The following KIF16B variants were observed in gnomAD, a reference collection of about 807,000 sequenced individuals.
KIF16B encodes kinesin family member 16B, also known as kinesin-like protein KIF16B.
A neutral mutation model predicts 156.3 loss-of-function variants in KIF16B; 98 were observed. The observed-to-expected ratio is 0.63, with a 90% confidence interval of 0.53 to 0.74. The LOEUF (loss-of-function observed/expected upper bound fraction) is 0.74, where lower values mean the gene tolerates loss of function less well. KIF16B is among the 30% of genes least tolerant of loss of function. The pLI is 0.00. For missense variants in KIF16B, 1,421 were observed against 1,606.5 expected, an observed-to-expected ratio of 0.88 and a Z score of 1.97; for synonymous variants, 564 against 583.7, an observed-to-expected ratio of 0.97 and a Z score of 0.49.
At chr20:16,492,070 C>T (rs186311792) in intron 12 of KIF16B, among the ~76,000 whole-genome samples, 104 of 152,298 alleles carry the variant, frequency 6.8e-4, no homozygotes, top group Non-Finnish European at 3.8e-4. Flanking sequence ...TGCCAATAAA[C>T]CAACCTCATG....
intron 12 of KIF16B, among the ~76,000 whole-genome samples, chr20:16,472,553 T>TAAAAAA (rs11318601): frequency 1.8e-4 from 20 of 113,516 alleles, no homozygotes; most frequent in South Asian, 3.1e-4. Flanking sequence ...CATCTGAAAT[T>TAAAAAA]AAAAAAAAAA....
At position 16,573,296 on chromosome 20, in the gene KIF16B, G is replaced by A. The variant is rs2071525968; in HGVS notation, c.-21C>T. The A allele has an allele frequency of 6.2e-7, 1 of 1,608,936 alleles. No individual in the cohort carries two copies. The highest frequency in any genetic ancestry group is 8.5e-7 in the Non-Finnish European group (1 of 1,178,580). Reference sequence around the variant, plus strand: ...GCCATCGCTCATCCCGAACCAGCCCGCGCGGGGTCCCACTAGCCCAGAACT... The same window carrying A: ...GCCATCGCTCATCCCGAACCAGCCCACGCGGGGTCCCACTAGCCCAGAACT... On this transcript the variant is annotated 5_prime_UTR_variant, in exon 1 of 26. Coordinates refer to ENST00000354981, the MANE Select transcript of KIF16B (RefSeq NM_024704.5).
chr20:16,429,808 G>T lies in KIF16B; in HGVS notation c.1422+55C>A, dbSNP rs951953042. On this transcript the variant is annotated intron_variant, in intron 13 of 25. Transcript: ENST00000354981. ...GAATATTATAATAAACCTAGTTAGT[G>T]TCTAATGGAGAAACTGGAAACAAAA... 2.7e-6 allele frequency: 4 copies of T among 1,481,622 alleles called. No homozygotes were observed. In the African/African-American group the frequency reaches 5.6e-5, roughly 21 times the overall value. 91.8% of individuals were successfully genotyped at this position (1,481,622 alleles called of 1,614,324 possible).
intron 24 of KIF16B, among the ~76,000 whole-genome samples, chr20:16,335,443 A>C (rs1187673908): frequency 2.0e-5 from 3 of 152,220 alleles, no homozygotes; most frequent in African/African-American, 7.2e-5. Context: ...TGCATTTTCT[A>C]TCTACCTTTC....
At position 16,492,498 on chromosome 20, in the gene KIF16B, C is replaced by A. The variant is rs148433113; in HGVS notation, c.1302+1793G>T. 5.2e-4 allele frequency among the ~76,000 whole-genome samples: 79 copies of A among 152,270 alleles called. 3 individuals carry two copies. The South Asian group carries it at 0.013, about 25-fold the overall frequency. On this transcript the variant is annotated intron_variant, in intron 12 of 25. Coordinates refer to ENST00000354981, the MANE Select transcript of KIF16B (RefSeq NM_024704.5). ...CACCTAGCATGCATCACATTTTTCC[C>A]TTCTCCTATGAAAAGTCATAAAAAA...
chr20:16,549,041 GT>G (rs1019518215), intron 1 of KIF16B, among the ~76,000 whole-genome samples: 30 of 141,854 alleles, frequency 2.1e-4, no homozygotes, highest in African/African-American at 6.8e-4. Flanking sequence ...TTTTTCGTTA[GT>G]TTTTTTTTTA....
chr20:16,330,178 A>G (rs41400544), intron 24 of KIF16B, among the ~76,000 whole-genome samples: 1 of 152,096 alleles, frequency 6.6e-6, no homozygotes, highest in Admixed American at 6.5e-5. Flanking sequence ...TTATTCACAG[A>G]CTTATCTTAT....
chr20:16,325,131 C>T (rs146572874), intron 24 of KIF16B, among the ~76,000 whole-genome samples: 18 of 151,956 alleles, frequency 1.2e-4, no homozygotes, highest in Non-Finnish European at 2.5e-4. Flanking sequence ...TCAGGAAAAT[C>T]GGCATAGAAG....
intron 12 of KIF16B, among the ~76,000 whole-genome samples, chr20:16,492,317 A>G (rs753367787): frequency 6.6e-6 from 1 of 152,230 alleles, no homozygotes; most frequent in Non-Finnish European, 1.5e-5. Context: ...ACTGTCTTCC[A>G]ATAAGAGTTT....
intron 20 of KIF16B, among the ~76,000 whole-genome samples, chr20:16,372,846 C>T (rs1262409105): frequency 2.6e-5 from 4 of 152,112 alleles, no homozygotes; most frequent in South Asian, 4.1e-4. Context: ...TACAGGCACC[C>T]GCCACCACAC....
intron 12 of KIF16B, among the ~76,000 whole-genome samples, chr20:16,445,565 T>C (rs1370008372): frequency 1.3e-5 from 2 of 151,924 alleles, no homozygotes; most frequent in African/African-American, 4.8e-5. Flanking sequence ...TGCTCTCAAA[T>C]GGCATAATCA....
intron 15 of KIF16B, among the ~76,000 whole-genome samples, chr20:16,414,459 G>A (rs2066036819): frequency 6.6e-6 from 1 of 152,066 alleles, no homozygotes; most frequent in South Asian, 2.1e-4. Flanking sequence ...CTTTTTCAAT[G>A]TTTACAATTC....
intron 12 of KIF16B, among the ~76,000 whole-genome samples, chr20:16,435,346 CT>C (rs1045478045): frequency 6.6e-6 from 1 of 152,190 alleles, no homozygotes; most frequent in African/African-American, 2.4e-5. Context: ...AAAGACATGG[CT>C]CCACTCTTTT....
chr20:16,482,108 G>A (rs2067999174), intron 12 of KIF16B, among the ~76,000 whole-genome samples: 1 of 152,062 alleles, frequency 6.6e-6, no homozygotes, highest in Admixed American at 6.6e-5. Flanking sequence ...TTCCTCCTTG[G>A]AAATATCAGA....
intron 1 of KIF16B, among the ~76,000 whole-genome samples, chr20:16,539,680 A>C (rs1303117722): frequency 6.6e-6 from 1 of 152,228 alleles, no homozygotes; most frequent in African/African-American, 2.4e-5. Context: ...CAGCCTGCAG[A>C]ACCATGAGCC....
chr20:16,530,733 C>A (rs552031270), intron 1 of KIF16B, among the ~76,000 whole-genome samples: 7 of 152,202 alleles, frequency 4.6e-5, no homozygotes, highest in African/African-American at 1.7e-4. Context: ...CAGGGTTTCG[C>A]TCCTGCCACC....
chr20:16,495,372 A>G (rs2068419694), intron 11 of KIF16B, among the ~76,000 whole-genome samples: 1 of 152,224 alleles, frequency 6.6e-6, no homozygotes, highest in Non-Finnish European at 1.5e-5. Context: ...GCCATTAAGC[A>G]TAGTAACTGG....
At chr20:16,412,631 A>G (rs2065987281) in intron 15 of KIF16B, among the ~76,000 whole-genome samples, 1 of 152,020 alleles carries the variant, frequency 6.6e-6, no homozygotes, top group Non-Finnish European at 1.5e-5. Flanking sequence ...GCCCCTTATA[A>G]TACCATCAGA....
intron 1 of KIF16B, among the ~76,000 whole-genome samples, chr20:16,540,622 C>G (rs6034521): frequency 0.82 from 124,153 of 151,984 alleles, 51,118 homozygotes; most frequent in African/African-American, 0.93. Flanking sequence ...TGCCTCTCCC[C>G]GTCGCCATCC....
Sources: gnomAD v4.1 joint callset for allele counts (sites outside exome capture counted in the v4.1 genomes callset) on GRCh38, gnomAD v4.1.1 for gene constraint, MANE v1.5 for transcripts, NCBI Gene and HGNC (gene_info 2026-07-23, HGNC 2026-07-21) for gene names.